The following ARHGEF1 variants were observed in gnomAD, a reference collection of about 807,000 sequenced individuals.
The protein encoded by ARHGEF1 is 115 kDa guanine nucleotide exchange factor.
In ARHGEF1, 40 loss-of-function variants were observed where a neutral mutation model predicts 119.7. The observed-to-expected ratio is 0.33, with a 90% CI of 0.26 to 0.44. ARHGEF1 has a LOEUF of 0.44. ARHGEF1 is among the 20% of genes least tolerant of loss of function. The pLI, the probability that ARHGEF1 is intolerant of heterozygous loss-of-function variation, is 1.00. For missense variants in ARHGEF1, 976 were observed against 1,268.3 expected (o/e 0.77, Z 3.50); for synonymous variants, 494 against 521.0 (o/e 0.95, Z 0.71).
chr19:41,918,059 G>A (rs1160281971), intron 18 of ARHGEF1, among the ~76,000 whole-genome samples: 1 of 151,880 alleles, frequency 6.6e-6, no homozygotes, highest in East Asian at 1.9e-4. Context: ...GGGGGTTCAG[G>A]GGTGATGTGG....
At chr19:41,908,417 G>C, downstream of ARHGEF1, 1 of 1,231,212 alleles carries the variant, frequency 8.1e-7, no homozygotes, top group Non-Finnish European at 1.0e-6. This position sits in a 1 kb window ranked among gnomAD's most constrained non-coding sequence, Gnocchi z 6.7. Flanking sequence ...CCGCTGCCAG[G>C]CCCGAGGGGC....
At chr19:41,891,908 G>A (rs1454845465) in intron 4 of ARHGEF1, 117 bp from the exon 5 acceptor site, 13 of 807,834 alleles carry the variant, frequency 1.6e-5, no homozygotes, top group Non-Finnish European at 2.5e-5. Context: ...AGAGGAAGTG[G>A]CAGTTGAGTC....
At position 41,894,624 on chromosome 19, in the gene ARHGEF1, A is replaced by G; in HGVS notation, c.842-2A>G. On this transcript the variant is annotated splice_acceptor_variant, in intron 10 of 28. Coordinates refer to ENST00000354532, the MANE Select transcript of ARHGEF1 (RefSeq NM_004706.4). LOFTEE classifies it high-confidence loss of function. ...TCACTGTCTCATTCTCTCTCGTTTC[A>G]GTTCCAGATTTTCGACACCTCAAAG... 12 of 1,614,022 alleles carry G rather than the reference A, an allele frequency of 7.4e-6. No homozygotes were observed. Among genetic ancestry groups the G allele is most frequent in the Non-Finnish European group, 1.0e-5 (12 of 1,179,932 alleles).
At chr19:41,893,846 G>T (rs1332603184) in intron 8 of ARHGEF1, among the ~76,000 whole-genome samples, 1 of 91,570 alleles carries the variant, frequency 1.1e-5, no homozygotes, top group Non-Finnish European at 1.9e-5. Flanking sequence ...TGGGTCTGAG[G>T]GAGGAAGGGG....
rs781899945 is a variant in ARHGEF1 at position 41,896,468 on chromosome 19, G to T, written c.1107G>T (p.Gly369=). The change falls in exon 13 of 29, where the codon GGG becomes GGT. Residue 369 remains glycine, a synonymous_variant. Coordinates refer to ENST00000354532, the MANE Select transcript of ARHGEF1 (RefSeq NM_004706.4). ...CGCCCCCAGAGAGTACCGACGAGGGGGCCGAAACCGAGAGGTGCCCAGGCT... is the reference window on the plus strand; with the variant it reads ...CGCCCCCAGAGAGTACCGACGAGGGTGCCGAAACCGAGAGGTGCCCAGGCT... ...SLAPPESTDE[G]AETESPEPGD... The T allele has an allele frequency of 5.4e-6, 8 of 1,487,626 alleles. No homozygotes were observed. In the Admixed American group the frequency reaches 1.4e-4, roughly 27 times the overall value. The allele number at this position is 1,487,626 out of a possible 1,614,324, so 92.2% of individuals were successfully genotyped here. A position where few individuals can be genotyped will look rare whatever the true frequency, so the allele number is the denominator to read the frequency against.
chr19:41,893,039 G>C (rs1387342607), intron 7 of ARHGEF1, among the ~76,000 whole-genome samples, 190 bp downstream of exon 7: 2 of 152,068 alleles, frequency 1.3e-5, no homozygotes, highest in Non-Finnish European at 2.9e-5. Context: ...TTCCAGCTTT[G>C]GGGTTCCCTT....
intron 1 of ARHGEF1, chr19:41,884,607 C>A: frequency 7.2e-7 from 1 of 1,379,900 alleles, no homozygotes; most frequent in Non-Finnish European, 9.9e-7. Flanking sequence ...CGCGTAAGAC[C>A]CGCCACGTCC....
chr19:41,920,865 G>A (rs560124438), upstream of ARHGEF1, among the ~76,000 whole-genome samples: 1 of 152,226 alleles, frequency 6.6e-6, no homozygotes. Flanking sequence ...GAGACAGAGA[G>A]GCCTGTGGGT....
intron 1 of ARHGEF1, chr19:41,884,548 G>A: frequency 1.9e-6 from 3 of 1,594,580 alleles, no homozygotes; most frequent in Non-Finnish European, 2.6e-6. Context: ...CGTCCTCCCC[G>A]GCATCCCTGG....
rs782810433 is a variant in ARHGEF1, at chr19:41,888,219, C to G, written c.52C>G (p.Leu18Val). 6.2e-7 allele frequency: 1 copy of G among 1,614,134 alleles called. No homozygotes were observed. The highest frequency in any genetic ancestry group is 1.7e-5 in the Admixed American group (1 of 60,022). ...CTCCCCAGGCCCCTCCCGGCCTGGC[C>G]TGGTTCCCGTCAGCATCATCGGGGC... ...AASPGPSRPG[L>V]VPVSIIGAED... Residue 18 changes from leucine to valine, a missense_variant, in exon 3 of 29, where the codon CTG becomes GTG. Transcript: ENST00000354532. The surrounding 1 kb of genome is among the most constrained non-coding windows in gnomAD (Gnocchi z 5.1).
rs369619268 is a variant in ARHGEF1, at chr19:41,888,733, C to A, written c.112-19C>A. On this transcript the variant is annotated intron_variant, in intron 3 of 28. Coordinates refer to ENST00000354532, the MANE Select transcript of ARHGEF1 (RefSeq NM_004706.4). The surrounding 1 kb of genome is among the most constrained non-coding windows in gnomAD (Gnocchi z 5.1). ...CCTCCTCTTCTCCCCATTGTACTCA[C>A]CCCTTCCTGCACCCCCAGAACTCAG... 4.3e-6 allele frequency: 7 copies of A among 1,610,886 alleles called. No individual in the cohort carries two copies. Among genetic ancestry groups the A allele is most frequent in the Admixed American group, 1.7e-5 (1 of 59,994 alleles).
At chr19:41,896,534 G>A in intron 13 of ARHGEF1, 52 bp downstream of exon 13, 1 of 1,431,474 alleles carries the variant, frequency 7.0e-7, no homozygotes, top group Non-Finnish European at 9.6e-7. Context: ...GGGCGCTGGT[G>A]GGTGGGTGCA....
chr19:41,910,701 A>G (rs2074746762), downstream of ARHGEF1, among the ~76,000 whole-genome samples: 1 of 152,154 alleles, frequency 6.6e-6, no homozygotes, highest in Admixed American at 6.5e-5. This position sits in a 1 kb window ranked among gnomAD's most constrained non-coding sequence, Gnocchi z 4.4. Flanking sequence ...TGTCCGTCCA[A>G]GAGCAGTCCA....
chr19:41,897,018 C>A (rs1469322845), intron 13 of ARHGEF1: 1 of 439,000 alleles, frequency 2.3e-6, no homozygotes, highest in South Asian at 1.6e-5. Flanking sequence ...CACCTTCCAT[C>A]CCCCTCCGAT....
intron 13 of ARHGEF1, chr19:41,897,862 C>G: frequency 8.0e-7 from 1 of 1,254,624 alleles, no homozygotes; most frequent in Non-Finnish European, 1.0e-6. Context: ...GTCCTGGTTT[C>G]TCTTCGTCTC....
rs1555849609 is a variant in ARHGEF1 at position 41,904,109 on chromosome 19, G to A, written c.1992G>A (p.Val664=). The A allele has an allele frequency of 1.2e-6, 2 of 1,614,218 alleles. No homozygotes were observed. Among genetic ancestry groups the A allele is most frequent in the South Asian group, 2.2e-5 (2 of 91,090 alleles). ...LTWRVTKDKA[V]EVHVLLLDDL... ...GGCGGGTGACTAAGGACAAGGCAGT[G>A]GGTGAGTGCCAGAGCAGCTGCCTAG... Residue 664 remains valine (V), a splice_region_variant and synonymous_variant, in exon 21 of 29, where the codon GTG becomes GTA. Coordinates refer to ENST00000354532, the MANE Select transcript of ARHGEF1 (RefSeq NM_004706.4). The surrounding 1 kb of genome is among the most constrained non-coding windows in gnomAD (Gnocchi z 8.4).
At chr19:41,895,013 T>C (rs1295365461) in intron 11 of ARHGEF1, among the ~76,000 whole-genome samples, 2 of 142,290 alleles carry the variant, frequency 1.4e-5, no homozygotes, top group Admixed American at 7.0e-5. Context: ...GACCCCTGGG[T>C]CTGAGGGAGG....
intron 18 of ARHGEF1, among the ~76,000 whole-genome samples, chr19:41,918,042 G>C (rs2074812556): frequency 6.6e-6 from 1 of 151,854 alleles, no homozygotes; most frequent in South Asian, 2.1e-4. Context: ...GCCTGTCTTG[G>C]AGAGGAGGGG....
In ARHGEF1 at chr19:41,904,215, G is replaced by A; in HGVS notation, c.1994-1G>A. On this transcript the variant is annotated splice_acceptor_variant, in intron 21 of 28. Coordinates refer to ENST00000354532, the MANE Select transcript of ARHGEF1 (RefSeq NM_004706.4). LOFTEE classifies it high-confidence loss of function. The surrounding 1 kb of genome is among the most constrained non-coding windows in gnomAD (Gnocchi z 8.4). The stretch of plus-strand genomic sequence containing the variant: ...CCGTGTGAGCACTGCTCGCCCCGTA[G>A]AGGTGCATGTGCTGCTGCTGGACGA... 6.2e-7 allele frequency: 1 copy of A among 1,613,576 alleles called. No individual in the cohort carries two copies. Among genetic ancestry groups the A allele is most frequent in the Non-Finnish European group, 8.5e-7 (1 of 1,179,758 alleles).
Sources: allele counts gnomAD v4.1 joint callset (sites outside exome capture counted in the v4.1 genomes callset), GRCh38; gene constraint gnomAD v4.1.1; non-coding constraint Gnocchi (gnomAD v3.1); transcripts MANE v1.5; gene names NCBI Gene and HGNC (gene_info 2026-07-23, HGNC 2026-07-21).